The following CIPC variants were observed in gnomAD, a reference collection of about 807,000 sequenced individuals.
CIPC encodes CLOCK interacting pacemaker, also known as CLOCK-interacting pacemaker.
A neutral mutation model predicts 26.7 loss-of-function variants in CIPC; 12 were observed. That is an observed-to-expected ratio of 0.45 (90% CI 0.29 to 0.73). The LOEUF (loss-of-function observed/expected upper bound fraction) is 0.73, where lower values mean the gene tolerates loss of function less well. Ranked by LOEUF, CIPC falls within the 30% of genes least tolerant of loss-of-function variation. The pLI, the probability that CIPC is intolerant of heterozygous loss-of-function variation, is 0.12. For synonymous variants in CIPC, 170 were observed against 189.8 expected (o/e 0.90, Z 0.86); for missense variants, 417 against 486.5 (o/e 0.86, Z 1.34).
intron 1 of CIPC, among the ~76,000 whole-genome samples, chr14:77,105,035 T>C (rs1886565211): frequency 6.6e-6 from 1 of 152,216 alleles, no homozygotes; most frequent in African/African-American, 2.4e-5. Context: ...TTATAAGCTC[T>C]TTATTATATA....
chr14:77,101,958 C>T (rs1886495794), intron 1 of CIPC, among the ~76,000 whole-genome samples: 1 of 152,052 alleles, frequency 6.6e-6, no homozygotes, highest in African/African-American at 2.4e-5. Context: ...TGGTGGTATG[C>T]GCCTGGAGTC....
At chr14:77,105,942 T>C in intron 2 of CIPC, 98 bp downstream of exon 2, 1 of 1,405,766 alleles carries the variant, frequency 7.1e-7, no homozygotes, top group Admixed American at 1.9e-5. Flanking sequence ...ATGGGATGCT[T>C]TCACACACAG....
At chr14:77,106,048 A>G (rs1886585382) in intron 2 of CIPC, 1 of 424,534 alleles carries the variant, frequency 2.4e-6, no homozygotes, top group Admixed American at 4.4e-5. Flanking sequence ...AGAATTATTT[A>G]ACATCTTTTT....
intron 2 of CIPC, 124 bp downstream of exon 2, chr14:77,105,968 G>A (rs1886584286): frequency 1.8e-6 from 2 of 1,112,750 alleles, no homozygotes; most frequent in African/African-American, 1.6e-5. Context: ...ATACTTACCT[G>A]CTTTAAAATG....
rs185375513 is a variant in CIPC, at chr14:77,110,907, C to T, written c.306+926C>T. On this transcript the variant is annotated intron_variant, in intron 3 of 3. Transcript: ENST00000361786. Reference sequence around the variant, plus strand: ...TTAACTTGACAGGAAATCTTAATGTCTTAGCTATTACCTAGTTGTATATGA... The same window carrying T: ...TTAACTTGACAGGAAATCTTAATGTTTTAGCTATTACCTAGTTGTATATGA... Among the ~76,000 whole-genome samples the T allele has an allele frequency of 3.3e-5, 5 of 152,260 alleles. No homozygotes were observed. In the East Asian group the frequency reaches 7.7e-4, roughly 23 times the overall value.
chr14:77,114,366 T>C lies in CIPC; in HGVS notation c.*48T>C, dbSNP rs754140998. On this transcript the variant is annotated 3_prime_UTR_variant, in exon 4 of 4. Coordinates refer to ENST00000361786, the MANE Select transcript of CIPC (RefSeq NM_033426.3). ...ACTTGAGTGGTTCTTTTAGCTCATTTGCTGTTACCTACTCCTGTTTCCCAA... is the reference window on the plus strand; with the variant it reads ...ACTTGAGTGGTTCTTTTAGCTCATTCGCTGTTACCTACTCCTGTTTCCCAA... 3 of 1,509,180 alleles carry C rather than the reference T, an allele frequency of 2.0e-6. No homozygotes were observed. Among genetic ancestry groups the C allele is most frequent in the Non-Finnish European group, 2.7e-6 (3 of 1,120,930 alleles). The allele number at this position is 1,509,180 out of a possible 1,614,324, so 93.5% of individuals were successfully genotyped here.
chr14:77,103,948 T>C (rs1387408080), intron 1 of CIPC, among the ~76,000 whole-genome samples: 1 of 149,438 alleles, frequency 6.7e-6, no homozygotes, highest in Non-Finnish European at 1.5e-5. Flanking sequence ...TGGGCCTCCA[T>C]GTTTTTCTTC....
chr14:77,104,463 G>A lies in CIPC; in HGVS notation c.-52-1194G>A, dbSNP rs575162107. 5.7e-4 allele frequency among the ~76,000 whole-genome samples: 87 copies of A among 152,318 alleles called. 1 individual carries two copies. Among genetic ancestry groups the A allele is most frequent in the Non-Finnish European group, 1.0e-3 (70 of 68,030 alleles). ...AAATTCTTCCATGGCTTCCCATTGC[G>A]TTTAAGTTAATATCTAAAATCCTTC... On this transcript the variant is annotated intron_variant, in intron 1 of 3. Coordinates refer to ENST00000361786, the MANE Select transcript of CIPC (RefSeq NM_033426.3).
At position 77,115,311 on chromosome 14, in the gene CIPC, G is replaced by A. The variant is rs1886791362; in HGVS notation, c.*993G>A. On this transcript the variant is annotated 3_prime_UTR_variant, in exon 4 of 4. Coordinates refer to ENST00000361786, the MANE Select transcript of CIPC (RefSeq NM_033426.3). The stretch of plus-strand genomic sequence containing the variant: ...GATAAACTTTGAATTAAATACAGTT[G>A]TCTTGAGGGTATGATAAGTCCACAA... 1 of 148,588 alleles carries A rather than the reference G, an allele frequency of 6.7e-6. No homozygotes were observed. The highest frequency in any genetic ancestry group is 1.5e-5 in the Non-Finnish European group (1 of 67,508). The allele number at this position is 148,588 out of a possible 1,614,324, so 9.2% of individuals were successfully genotyped here. A position where few individuals can be genotyped will look rare whatever the true frequency, so the allele number is the denominator to read the frequency against.
At chr14:77,107,699 G>A (rs958303693) in intron 2 of CIPC, among the ~76,000 whole-genome samples, 16 of 151,196 alleles carry the variant, frequency 1.1e-4, no homozygotes, top group African/African-American at 3.7e-4. Context: ...GCAAACACTT[G>A]ACATTTTACC....
intron 1 of CIPC, among the ~76,000 whole-genome samples, chr14:77,103,863 C>T (rs1289648078): frequency 7.0e-6 from 1 of 143,782 alleles, no homozygotes; most frequent in African/African-American, 2.5e-5. Context: ...CCACCCAACT[C>T]CCTTCTGTGC....
At position 77,115,655 on chromosome 14, in the gene CIPC, T is replaced by C. The variant is rs1032567399; in HGVS notation, c.*1337T>C. 3 of 151,884 alleles carry C rather than the reference T, an allele frequency of 2.0e-5. No individual in the cohort carries two copies. The highest frequency in any genetic ancestry group is 3.9e-4 in the East Asian group (2 of 5,170). 9.4% of individuals were successfully genotyped at this position (151,884 alleles called of 1,614,324 possible). A position where few individuals can be genotyped will look rare whatever the true frequency, so the allele number is the denominator to read the frequency against. On this transcript the variant is annotated 3_prime_UTR_variant, in exon 4 of 4. Coordinates refer to ENST00000361786, the MANE Select transcript of CIPC (RefSeq NM_033426.3). ...AAAATCTTTGTTCTTTACAAAATTATCTTAATAAGTTCTATATGGTCAGCT... is the reference window on the plus strand; with the variant it reads ...AAAATCTTTGTTCTTTACAAAATTACCTTAATAAGTTCTATATGGTCAGCT...
chr14:77,106,832 C>T (rs1886599433), intron 2 of CIPC, among the ~76,000 whole-genome samples: 3 of 152,304 alleles, frequency 2.0e-5, no homozygotes, highest in East Asian at 3.9e-4. Flanking sequence ...GAGCGCCAAC[C>T]AAGGGATTAG....
chr14:77,099,343 C>G (rs1171341249), intron 1 of CIPC: 2 of 152,196 alleles, frequency 1.3e-5, no homozygotes, highest in African/African-American at 4.8e-5. Context: ...GGTTCAGGAT[C>G]TTTGACACGA....
At chr14:77,111,215 T>C (rs1472326340) in intron 3 of CIPC, among the ~76,000 whole-genome samples, 1 of 152,156 alleles carries the variant, frequency 6.6e-6, no homozygotes, top group Non-Finnish European at 1.5e-5. Flanking sequence ...CCTTCTTTGT[T>C]GTAGGCTAGG....
intron 1 of CIPC, among the ~76,000 whole-genome samples, chr14:77,103,188 A>T (rs927888062): frequency 1.3e-5 from 2 of 152,248 alleles, no homozygotes; most frequent in Non-Finnish European, 2.9e-5. Context: ...ATTCATTCTC[A>T]TTCAGTTCAG....
At chr14:77,104,293 G>A (rs558398308) in intron 1 of CIPC, among the ~76,000 whole-genome samples, 4 of 152,286 alleles carry the variant, frequency 2.6e-5, no homozygotes, top group African/African-American at 4.8e-5. Flanking sequence ...ATAGGCTGAG[G>A]GGAGGATCGC....
intron 1 of CIPC, among the ~76,000 whole-genome samples, chr14:77,100,476 A>G (rs1886459304): frequency 6.6e-6 from 1 of 151,676 alleles, no homozygotes; most frequent in South Asian, 2.1e-4. Context: ...TCCTGACCTC[A>G]GGTGATCTGC....
chr14:77,113,921 C>T lies in CIPC; in HGVS notation c.803C>T (p.Ala268Val), dbSNP rs1886755978. Residue 268 changes from alanine (A) to valine (V), a missense_variant, in exon 4 of 4, where the codon GCA becomes GTA. Transcript: ENST00000361786. ...TFASPASPVC[A>V]SDSTLHGLES... ...GCTTCCCCCGCCAGTCCTGTCTGCG[C>T]ATCAGACAGCACTCTCCATGGGTTA... 1 of 1,614,082 alleles carries T rather than the reference C, an allele frequency of 6.2e-7. No individual in the cohort carries two copies. Among genetic ancestry groups the T allele is most frequent in the Non-Finnish European group, 8.5e-7 (1 of 1,180,056 alleles).
Sources: allele counts gnomAD v4.1 joint callset (sites outside exome capture counted in the v4.1 genomes callset), GRCh38; gene constraint gnomAD v4.1.1; transcripts MANE v1.5; gene names NCBI Gene and HGNC (gene_info 2026-07-23, HGNC 2026-07-21).